Variants in CDH23 observed in about 807,000 individuals in gnomAD.
CDH23 encodes the protein cadherin-23.
A neutral mutation model predicts 317.1 loss-of-function variants in CDH23; 189 were observed. The observed-to-expected ratio is 0.60, with a 90% CI of 0.53 to 0.67. CDH23 has a LOEUF of 0.67. CDH23 is among the 30% of genes least tolerant of loss of function. CDH23 has a pLI of 0.00. For missense variants in CDH23, 4,401 were observed against 4,592.4 expected (o/e 0.96, Z 1.20); for synonymous variants, 1,839 against 1,876.8 (o/e 0.98, Z 0.52).
chr10:71,790,616 C>A, intron 46 of CDH23: 1 of 649,746 alleles, frequency 1.5e-6, no homozygotes, highest in Non-Finnish European at 2.6e-6. Flanking sequence ...GGCTTGGAGA[C>A]GATACACAGG....
chr10:71,441,580 A>G (rs1389534711), intron 2 of CDH23, among the ~76,000 whole-genome samples: 1 of 152,034 alleles, frequency 6.6e-6, no homozygotes, highest in Non-Finnish European at 1.5e-5. Context: ...TTAGCTGGAC[A>G]TGGTGGTGGC....
At chr10:71,489,955 G>T (rs1024410007) in intron 3 of CDH23, among the ~76,000 whole-genome samples, 8 of 151,880 alleles carry the variant, frequency 5.3e-5, no homozygotes, top group Admixed American at 4.6e-4. Context: ...ACTGGCTTGT[G>T]TGGGGGTATG....
Position 71,675,160 on chromosome 10 carries a change from A to G in CDH23, c.1498A>G (p.Ser500Gly). Residue 500 changes from serine (S) to glycine (G), a missense_variant, in exon 15 of 70, where the codon AGT becomes GGT. Around this residue, in one of 3 missense-constraint regions of CDH23, gnomAD observed 3,068 missense variants for 3,203.3 expected, o/e 0.96. Coordinates refer to ENST00000224721, the MANE Select transcript of CDH23 (RefSeq NM_022124.6). ...GTFGEVSYFF[S>G]DDPDRFSLDK... Reference sequence around the variant, plus strand: ...CTTTGGGGAAGTCAGCTACTTCTTCAGTGATGACCCTGACAGGTGAGACTC... The same window carrying G: ...CTTTGGGGAAGTCAGCTACTTCTTCGGTGATGACCCTGACAGGTGAGACTC... 1 of 1,613,916 alleles carries G rather than the reference A, an allele frequency of 6.2e-7. No individual in the cohort carries two copies. The highest frequency in any genetic ancestry group is 1.7e-5 in the Admixed American group (1 of 60,028).
intron 9 of CDH23, among the ~76,000 whole-genome samples, chr10:71,581,520 T>C (rs1424861081): frequency 6.6e-6 from 1 of 152,218 alleles, no homozygotes; most frequent in Non-Finnish European, 1.5e-5. Flanking sequence ...CCCGCAGCTG[T>C]GGGGATTTAT....
At chr10:71,483,160 G>T (rs972776946) in intron 3 of CDH23, among the ~76,000 whole-genome samples, 6 of 152,348 alleles carry the variant, frequency 3.9e-5, no homozygotes, top group African/African-American at 1.4e-4. Context: ...TTTGCCTTCT[G>T]GGAAGCTCCC....
intron 3 of CDH23, among the ~76,000 whole-genome samples, chr10:71,500,183 G>T (rs1332928164): frequency 6.6e-6 from 1 of 152,198 alleles, no homozygotes; most frequent in Non-Finnish European, 1.5e-5. Context: ...TAAATACTGT[G>T]ATCCGATCAT....
intron 22 of CDH23, among the ~76,000 whole-genome samples, chr10:71,696,741 C>G (rs1396653100): frequency 1.3e-5 from 2 of 152,236 alleles, no homozygotes; most frequent in Admixed American, 6.5e-5. Context: ...CTGGAATAGG[C>G]ACAGTGGAAT....
Position 71,764,409 on chromosome 10 carries a change from A to T in CDH23, c.4846-13271A>T, listed in dbSNP as rs78363111. Among the ~76,000 whole-genome samples the T allele has an allele frequency of 7.0e-4, 106 of 152,332 alleles. 3 individuals are homozygous for T. In the East Asian group the frequency reaches 0.017, roughly 25 times the overall value. ...ACACATAGACACTATACTGATGAAA[A>T]AAAAGGCCAGAAACTGGGAGCCCAC... On this transcript the variant is annotated intron_variant, in intron 38 of 69. Transcript: ENST00000224721.
chr10:71,559,743 T>TG (rs1857034184), intron 6 of CDH23, among the ~76,000 whole-genome samples: 1 of 152,236 alleles, frequency 6.6e-6, no homozygotes, highest in Non-Finnish European at 1.5e-5. Context: ...GCCACAGAGC[T>TG]GGCAGCCCAC....
chr10:71,403,386 T>TCTCTTC (rs1847903122), intron 1 of CDH23, among the ~76,000 whole-genome samples: 1 of 118,544 alleles, frequency 8.4e-6, no homozygotes, highest in African/African-American at 4.1e-5. Context: ...TTTCTTTCTT[T>TCTCTTC]CTTTCTTTCT....
intron 30 of CDH23, 141 bp downstream of exon 30, chr10:71,725,661 T>C (rs1866779304): frequency 9.7e-7 from 1 of 1,029,268 alleles, no homozygotes; most frequent in Non-Finnish European, 1.4e-6. Context: ...GGCCTAAGGG[T>C]TCGGTGACAG....
At chr10:71,518,724 T>G (rs75850150) in intron 6 of CDH23, among the ~76,000 whole-genome samples, 5,643 of 152,262 alleles carry the variant, frequency 0.037, 167 homozygotes, top group Non-Finnish European at 0.049. Context: ...CTGCTCCCCT[T>G]GCCTGCAGGG....
intron 14 of CDH23, among the ~76,000 whole-genome samples, chr10:71,658,136 C>A (rs975534264): frequency 6.6e-6 from 1 of 152,182 alleles, no homozygotes; most frequent in Non-Finnish European, 1.5e-5. Flanking sequence ...TTGACGGGTC[C>A]GGAGTTCCTC....
At chr10:71,613,077 G>A (rs182984002) in intron 9 of CDH23, among the ~76,000 whole-genome samples, 32 of 152,288 alleles carry the variant, frequency 2.1e-4, no homozygotes, top group African/African-American at 7.5e-4. Context: ...TTGAACTCCT[G>A]ACTTCAAGTG....
At chr10:71,514,354 T>C (rs1416953476) in intron 6 of CDH23, among the ~76,000 whole-genome samples, 1 of 152,170 alleles carries the variant, frequency 6.6e-6, no homozygotes, top group African/African-American at 2.4e-5. Context: ...TGGGGAGCCT[T>C]GGAGGATCCC....
intron 14 of CDH23, among the ~76,000 whole-genome samples, chr10:71,673,544 C>T (rs1331413381): frequency 6.6e-6 from 1 of 152,202 alleles, no homozygotes; most frequent in Non-Finnish European, 1.5e-5. Flanking sequence ...GGTCTCCTCT[C>T]GCCTGGAATA....
chr10:71,551,022 C>T (rs554874883), intron 6 of CDH23, among the ~76,000 whole-genome samples: 7 of 152,202 alleles, frequency 4.6e-5, no homozygotes, highest in South Asian at 2.1e-4. Context: ...TACAAACGAG[C>T]GGCAAACCTA....
chr10:71,792,686 G>T (rs561767781), intron 47 of CDH23, among the ~76,000 whole-genome samples: 42 of 151,278 alleles, frequency 2.8e-4, no homozygotes, highest in African/African-American at 1.0e-3. Flanking sequence ...GCCAGGCATG[G>T]TAGTGGGTGC....
intron 3 of CDH23, among the ~76,000 whole-genome samples, chr10:71,464,251 C>T (rs992660575): frequency 2.0e-5 from 3 of 152,142 alleles, no homozygotes. Flanking sequence ...GTGCCAGGTG[C>T]TTTATATACA....
Sources: gnomAD v4.1 joint callset for allele counts (sites outside exome capture counted in the v4.1 genomes callset) on GRCh38, gnomAD v4.1.1 for gene constraint, gnomAD v4.1.1 regional missense constraint, MANE v1.5 for transcripts, NCBI Gene and HGNC (gene_info 2026-07-23, HGNC 2026-07-21) for gene names.